IQSEC1: variants seen among roughly 807,000 people sequenced by gnomAD.
IQSEC1 encodes the protein IQ motif and Sec7 domain ArfGEF 1, also known as IQ motif and SEC7 domain-containing protein 1.
In IQSEC1, 31 loss-of-function variants were observed where a neutral mutation model predicts 91.0. The ratio of observed to expected loss-of-function variants is 0.34; its 90% confidence interval spans 0.26 to 0.46. The LOEUF is 0.46. Ranked by LOEUF, IQSEC1 falls within the 20% of genes least tolerant of loss-of-function variation. The pLI is 1.00. For synonymous variants in IQSEC1, 699 were observed against 662.6 expected (o/e 1.05, Z -0.84); for missense variants, 1,388 against 1,575.6 (o/e 0.88, Z 2.02).
At chr3:13,280,134 G>A (rs113588113) in intron 1 of IQSEC1, among the ~76,000 whole-genome samples, 4 of 152,178 alleles carry the variant, frequency 2.6e-5, no homozygotes, top group Non-Finnish European at 5.9e-5. Flanking sequence ...CTGAGGCTAC[G>A]AGGGGTAGTA....
intron 1 of IQSEC1, among the ~76,000 whole-genome samples, chr3:12,985,237 G>A (rs1344250835): frequency 6.6e-6 from 1 of 152,174 alleles, no homozygotes; most frequent in African/African-American, 2.4e-5. Flanking sequence ...GTCTTGAAGG[G>A]GGCACACCCT....
chr3:12,902,338 G>A (rs1464359643), intron 13 of IQSEC1, among the ~76,000 whole-genome samples: 8 of 152,126 alleles, frequency 5.3e-5, no homozygotes, highest in African/African-American at 1.2e-4. Context: ...ATGGGCGGGC[G>A]TGGAAGTCAA....
chr3:13,199,708 G>A (rs985824848), intron 1 of IQSEC1, among the ~76,000 whole-genome samples: 4 of 152,022 alleles, frequency 2.6e-5, no homozygotes, highest in Non-Finnish European at 5.9e-5. Context: ...GAACCTGCTC[G>A]CCCACGAGGA....
rs181355769 is a variant in IQSEC1 at position 13,001,006 on chromosome 3, A to G, written c.24-59141T>C. Among the ~76,000 whole-genome samples the G allele has an allele frequency of 4.8e-5, 7 of 146,628 alleles. No individual in the cohort carries two copies. In the East Asian group the frequency reaches 1.4e-3, roughly 30 times the overall value. The stretch of plus-strand genomic sequence containing the variant: ...TGTGCTGTCACTCAGGCTGGAGTAC[A>G]GTGGCTCGACTTTGGCTCCCTGCAA... On this transcript the variant is annotated intron_variant, in intron 1 of 13. Transcript: ENST00000613206.
At chr3:13,253,920 G>A (rs1399650220) in intron 1 of IQSEC1, among the ~76,000 whole-genome samples, 5 of 152,168 alleles carry the variant, frequency 3.3e-5, no homozygotes, top group African/African-American at 9.7e-5. Context: ...ACAGGCCACC[G>A]ATGGAAGCTG....
At chr3:13,040,535 A>G (rs911386360) in intron 1 of IQSEC1, among the ~76,000 whole-genome samples, 6 of 152,120 alleles carry the variant, frequency 3.9e-5, no homozygotes, top group African/African-American at 1.4e-4. Context: ...CGCCTCTCAC[A>G]CTTGGACCAC....
In IQSEC1 at chr3:13,171,098, CA is replaced by C. The variant is rs1169847070; in HGVS notation, c.273-6966del. Among the ~76,000 whole-genome samples, 3 of 141,822 alleles carry C rather than the reference CA, an allele frequency of 2.1e-5. No individual in the cohort carries two copies. The East Asian group carries it at 5.9e-4, about 28-fold the overall frequency. The allele number at this position is 141,822 out of a possible 152,430, so 93.0% of individuals were successfully genotyped here. ...CTGGCAACACAGCAAGACTCCATCT[CA>C]AAAAAAACAAAAAAAACAAAAAAAG... On this transcript the variant is annotated intron_variant, in intron 1 of 15. Transcript: ENST00000648114.
intron 1 of IQSEC1, among the ~76,000 whole-genome samples, chr3:13,033,963 C>T (rs570587160): frequency 2.6e-5 from 4 of 152,286 alleles, no homozygotes; most frequent in South Asian, 2.1e-4. Flanking sequence ...ACGGTGTTCC[C>T]GCTGTTGGTG....
rs1198575858 is a variant in IQSEC1, at chr3:13,008,671, CTG to C, written c.23+64319_23+64320del. On this transcript the variant is annotated intron_variant, in intron 1 of 13. Coordinates refer to ENST00000613206, the MANE Select transcript of IQSEC1 (RefSeq NM_001134382.3). The surrounding 1 kb of genome is among the most constrained non-coding windows in gnomAD (Gnocchi z 4.1). The stretch of plus-strand genomic sequence containing the variant: ...CTCCCCCAACCCCCAAATGCCAGCT[CTG>C]TGAGGGAGGGGGTCTCACGCTGGTG... 6.6e-6 allele frequency among the ~76,000 whole-genome samples: 1 copy of C among 152,228 alleles called. No individual in the cohort carries two copies. The highest frequency in any genetic ancestry group is 1.5e-5 in the Non-Finnish European group (1 of 68,034).
chr3:13,013,045 C>T (rs142697859), intron 1 of IQSEC1, among the ~76,000 whole-genome samples: 3,911 of 148,230 alleles, frequency 0.026, 81 homozygotes, highest in African/African-American at 0.052. Context: ...ACTGCAACCT[C>T]TGCCTCCCAG....
At chr3:13,029,482 T>C (rs1323853533) in intron 1 of IQSEC1, among the ~76,000 whole-genome samples, 1 of 152,252 alleles carries the variant, frequency 6.6e-6, no homozygotes, top group Non-Finnish European at 1.5e-5. Flanking sequence ...TCTTTCTCAA[T>C]GTCTAACCTA....
intron 1 of IQSEC1, among the ~76,000 whole-genome samples, chr3:13,062,964 G>A (rs1234998432): frequency 3.9e-5 from 6 of 152,238 alleles, no homozygotes; most frequent in Admixed American, 2.0e-4. Context: ...TTCATCCTTC[G>A]GAGGTCGGGC....
intron 2 of IQSEC1, among the ~76,000 whole-genome samples, chr3:13,117,430 C>A (rs544769003): frequency 6.6e-6 from 1 of 150,686 alleles, no homozygotes; most frequent in Non-Finnish European, 1.5e-5. Flanking sequence ...ACTAAAAATA[C>A]GAAAAATTAA....
chr3:13,164,677 A>C (rs1290143594), intron 1 of IQSEC1, among the ~76,000 whole-genome samples: 1 of 152,202 alleles, frequency 6.6e-6, no homozygotes, highest in Non-Finnish European at 1.5e-5. Flanking sequence ...TTGGACAATC[A>C]GATTGTATTG....
chr3:13,249,321 G>A lies in IQSEC1; in HGVS notation c.272+33390C>T, dbSNP rs534894857. 1.8e-4 allele frequency among the ~76,000 whole-genome samples: 28 copies of A among 151,904 alleles called. 1 individual carries two copies. Among genetic ancestry groups the A allele is most frequent in the African/African-American group, 6.5e-4 (27 of 41,422 alleles). On this transcript the variant is annotated intron_variant, in intron 1 of 15. Coordinates refer to the IQSEC1 transcript ENST00000648114. ...TGAGTAGCTGGGACTACAGGCACCCGCCAGCACGCCCGGCTAATTTTTTTG... is the reference window on the plus strand; with the variant it reads ...TGAGTAGCTGGGACTACAGGCACCCACCAGCACGCCCGGCTAATTTTTTTG...
intron 12 of IQSEC1, among the ~76,000 whole-genome samples, chr3:12,906,361 A>G (rs932790156): frequency 6.6e-6 from 1 of 152,150 alleles, no homozygotes; most frequent in Non-Finnish European, 1.5e-5. Flanking sequence ...TCCAGAGCAC[A>G]TCTGACCTTT....
chr3:13,119,663 G>C (rs1706392036), intron 2 of IQSEC1, among the ~76,000 whole-genome samples: 1 of 152,236 alleles, frequency 6.6e-6, no homozygotes, highest in African/African-American at 2.4e-5. Flanking sequence ...TGGGGGCCGT[G>C]GTTTCTGGAC....
At chr3:13,227,180 A>C (rs1694767706) in intron 1 of IQSEC1, among the ~76,000 whole-genome samples, 1 of 152,052 alleles carries the variant, frequency 6.6e-6, no homozygotes, top group Non-Finnish European at 1.5e-5. Flanking sequence ...GTTCAAGACC[A>C]ACCTGGCCAA....
At chr3:13,203,109 G>A (rs144861690) in intron 1 of IQSEC1, among the ~76,000 whole-genome samples, 303 of 152,172 alleles carry the variant, frequency 2.0e-3, no homozygotes, top group Non-Finnish European at 3.0e-3. Flanking sequence ...TGGGAAGGAC[G>A]GAGGAGAGGC....
Sources: allele counts gnomAD v4.1 joint callset (sites outside exome capture counted in the v4.1 genomes callset), GRCh38; gene constraint gnomAD v4.1.1; non-coding constraint Gnocchi (gnomAD v3.1); transcripts MANE v1.5; gene names NCBI Gene and HGNC (gene_info 2026-07-23, HGNC 2026-07-21).